The following SNTG1 variants were observed in gnomAD, a reference collection of about 807,000 sequenced individuals.
SNTG1 encodes syntrophin gamma 1, also known as gamma-1-syntrophin.
Under a neutral mutation model 74.7 loss-of-function variants are expected in SNTG1, and 39 were observed. The observed-to-expected ratio is 0.52, with a 90% CI of 0.40 to 0.68. The LOEUF is 0.68. SNTG1 is among the 30% of genes least tolerant of loss of function. The probability of loss-of-function intolerance (pLI) is 0.00; values close to 1 mark genes in which losing one functional copy is unlikely to be tolerated. For synonymous variants in SNTG1, 254 were observed against 217.1 expected, an observed-to-expected ratio of 1.17 and a Z score of -1.49; for missense variants, 685 against 609.5, an observed-to-expected ratio of 1.12 and a Z score of -1.30.
At chr8:50,669,225 A>C (rs949009131) in intron 15 of SNTG1, among the ~76,000 whole-genome samples, 32 of 150,202 alleles carry the variant, frequency 2.1e-4, no homozygotes, top group African/African-American at 7.6e-4. Context: ...TAAAAAAAAA[A>C]CCCTTCAAAG....
intron 15 of SNTG1, among the ~76,000 whole-genome samples, chr8:50,696,640 A>G (rs1353700936): frequency 4.6e-5 from 7 of 151,930 alleles, no homozygotes; most frequent in Admixed American, 3.3e-4. Context: ...GTCTGGTTTC[A>G]TTTTCTGCAT....
chr8:50,612,893 G>A (rs1269634911), intron 13 of SNTG1, among the ~76,000 whole-genome samples: 1 of 152,052 alleles, frequency 6.6e-6, no homozygotes, highest in Non-Finnish European at 1.5e-5. Flanking sequence ...ATGTGATTCA[G>A]AAATGCAAGC....
chr8:50,765,772 CTTG>C lies in SNTG1; in HGVS notation c.1395+13666_1395+13668del, dbSNP rs892041316. 2.6e-5 allele frequency among the ~76,000 whole-genome samples: 4 copies of C among 151,860 alleles called. 1 individual carries two copies. Among genetic ancestry groups the C allele is most frequent in the Admixed American group, 1.3e-4 (2 of 15,224 alleles). On this transcript the variant is annotated intron_variant, in intron 18 of 18. Transcript: ENST00000642720. ...GTGGAAGTAAAATTATCATGTGGCTCTTGTTGTAACTGCTGAGTAGTCTGGAGA... is the reference window on the plus strand; with the variant it reads ...GTGGAAGTAAAATTATCATGTGGCTCTTGTAACTGCTGAGTAGTCTGGAGA...
chr8:50,317,199 C>G (rs1404725232), intron 2 of SNTG1, among the ~76,000 whole-genome samples: 1 of 152,114 alleles, frequency 6.6e-6, no homozygotes, highest in Admixed American at 6.5e-5. Flanking sequence ...CAACCCAGCC[C>G]ATAGAGGTCT....
chr8:50,434,712 T>TCACAC (rs1427594402), intron 4 of SNTG1, among the ~76,000 whole-genome samples: 2 of 152,116 alleles, frequency 1.3e-5, no homozygotes, highest in Non-Finnish European at 2.9e-5. Flanking sequence ...TGTTCATATG[T>TCACAC]ACACATAGTA....
chr8:50,787,553 GA>G (rs2095679161), intron 18 of SNTG1, among the ~76,000 whole-genome samples: 1 of 151,902 alleles, frequency 6.6e-6, no homozygotes, highest in Non-Finnish European at 1.5e-5. Context: ...ACTCTACACA[GA>G]TGTTCACTGC....
intron 1 of SNTG1, among the ~76,000 whole-genome samples, chr8:50,066,077 T>C (rs925199633): frequency 6.6e-6 from 1 of 152,110 alleles, no homozygotes; most frequent in Non-Finnish European, 1.5e-5. Flanking sequence ...TAGCTGGCCA[T>C]GGTGGCACAC....
At chr8:50,525,156 G>T (rs2130233042) in intron 9 of SNTG1, among the ~76,000 whole-genome samples, 1 of 152,138 alleles carries the variant, frequency 6.6e-6, no homozygotes, top group South Asian at 2.1e-4. Flanking sequence ...TGGTATTCTA[G>T]ATTGGCTGAT....
intron 17 of SNTG1, among the ~76,000 whole-genome samples, chr8:50,743,594 ACTT>A (rs2095548614): frequency 6.6e-6 from 1 of 151,802 alleles, no homozygotes; most frequent in Non-Finnish European, 1.5e-5. Context: ...ACTTGCTTTG[ACTT>A]CTTCTGTTTG....
intron 2 of SNTG1, among the ~76,000 whole-genome samples, chr8:50,276,693 A>G (rs189306761): frequency 1.3e-5 from 2 of 152,162 alleles, no homozygotes; most frequent in African/African-American, 2.4e-5. Flanking sequence ...AGTATTAAAT[A>G]TCAAAAATAA....
chr8:50,762,670 C>G (rs2095602361), intron 18 of SNTG1: 3 of 464,772 alleles, frequency 6.5e-6, no homozygotes, highest in African/African-American at 5.9e-5. Flanking sequence ...ATCCAACAGC[C>G]TGACCTGTCT....
At chr8:50,012,769 G>A (rs956267759) in intron 1 of SNTG1, among the ~76,000 whole-genome samples, 22 of 152,226 alleles carry the variant, frequency 1.4e-4, no homozygotes, top group African/African-American at 5.3e-4. Flanking sequence ...GTCTGTGAAG[G>A]AATGGGTGAG....
intron 1 of SNTG1, among the ~76,000 whole-genome samples, chr8:50,089,502 A>G (rs1395759204): frequency 2.0e-4 from 30 of 151,924 alleles, no homozygotes; most frequent in Non-Finnish European, 8.8e-5. Context: ...TTTGCAACCT[A>G]CTCACCTGAC....
chr8:49,977,963 G>T (rs1229707651), intron 1 of SNTG1, among the ~76,000 whole-genome samples: 1 of 152,170 alleles, frequency 6.6e-6, no homozygotes, highest in Non-Finnish European at 1.5e-5. Flanking sequence ...TGGAGCCTCA[G>T]TTTTCATATC....
intron 12 of SNTG1, among the ~76,000 whole-genome samples, chr8:50,574,859 T>G (rs1422397143): frequency 6.6e-6 from 1 of 152,210 alleles, no homozygotes; most frequent in African/African-American, 2.4e-5. Flanking sequence ...AATTTTTTTA[T>G]TCTCATGAAC....
Position 50,026,700 on chromosome 8 carries a change from CGT to C in SNTG1, c.-103+114486_-103+114487del, listed in dbSNP as rs145360652. ...GTTATATTTATGGCATTTGTGTGTA[CGT>C]GTGTGTGTGTGTGTGTATCCTAAAA... On this transcript the variant is annotated intron_variant, in intron 1 of 18. Coordinates refer to ENST00000642720, the MANE Select transcript of SNTG1 (RefSeq NM_018967.5). Among the ~76,000 whole-genome samples, 1,417 of 149,566 alleles carry C rather than the reference CGT, an allele frequency of 9.5e-3. 25 individuals carry two copies. The highest frequency in any genetic ancestry group is 0.03 in the African/African-American group (1,224 of 41,006).
At chr8:50,536,916 A>G in intron 11 of SNTG1, 108 bp downstream of exon 11, 2 of 1,341,760 alleles carry the variant, frequency 1.5e-6, no homozygotes, top group Non-Finnish European at 2.0e-6. Flanking sequence ...TATGTTTTTG[A>G]TAGTAGAAAG....
At chr8:50,785,346 T>C (rs1295346121) in intron 18 of SNTG1, among the ~76,000 whole-genome samples, 1 of 151,526 alleles carries the variant, frequency 6.6e-6, no homozygotes, top group Admixed American at 6.6e-5. Context: ...AAATCAGAAA[T>C]AAAAGAAGGT....
intron 2 of SNTG1, among the ~76,000 whole-genome samples, chr8:50,244,450 T>C (rs2086300850): frequency 6.6e-6 from 1 of 152,180 alleles, no homozygotes; most frequent in African/African-American, 2.4e-5. Flanking sequence ...TTGTTATTCA[T>C]ATTTGTGTTT....
Sources: gnomAD v4.1 joint callset for allele counts (sites outside exome capture counted in the v4.1 genomes callset) on GRCh38, gnomAD v4.1.1 for gene constraint, MANE v1.5 for transcripts, NCBI Gene and HGNC (gene_info 2026-07-23, HGNC 2026-07-21) for gene names.